Variants in SPIDR observed in about 807,000 individuals in gnomAD.
SPIDR encodes DNA repair-scaffolding protein.
A neutral mutation model predicts 104.6 loss-of-function variants in SPIDR; 93 were observed. The observed-to-expected ratio is 0.89, with a 90% confidence interval of 0.75 to 1.06. SPIDR has a LOEUF of 1.06. SPIDR is among the 50% of genes least tolerant of loss of function. The probability of loss-of-function intolerance (pLI) is 0.00; values close to 1 mark genes in which losing one functional copy is unlikely to be tolerated. For missense variants in SPIDR, 1,154 were observed against 1,111.2 expected, an observed-to-expected ratio of 1.04 and a Z score of -0.55; for synonymous variants, 431 against 416.9, an observed-to-expected ratio of 1.03 and a Z score of -0.41.
chr8:47,605,900 C>A (rs1223206322), intron 10 of SPIDR, among the ~76,000 whole-genome samples: 1 of 152,204 alleles, frequency 6.6e-6, no homozygotes, highest in Non-Finnish European at 1.5e-5. Flanking sequence ...CATTACAAAT[C>A]AGCACTCAGT....
chr8:47,583,586 T>C (rs2059967713), intron 8 of SPIDR, among the ~76,000 whole-genome samples: 1 of 152,104 alleles, frequency 6.6e-6, no homozygotes, highest in South Asian at 2.1e-4. Flanking sequence ...GATTGCAGCA[T>C]AAAAAGAAAT....
Position 47,691,832 on chromosome 8 carries a change from T to A in SPIDR, c.1686-8571T>A, listed in dbSNP as rs1282319888. Among the ~76,000 whole-genome samples, 8 of 152,294 alleles carry A rather than the reference T, an allele frequency of 5.3e-5. No individual in the cohort carries two copies. The East Asian group carries it at 1.4e-3, about 26-fold the overall frequency. On this transcript the variant is annotated intron_variant, in intron 11 of 19. Transcript: ENST00000297423. ...GAATTAGTATTCCGCTAGCTTGACTTAGGAAAAGGAAGCGCAACCACTCCA... is the reference window on the plus strand; with the variant it reads ...GAATTAGTATTCCGCTAGCTTGACTAAGGAAAAGGAAGCGCAACCACTCCA...
intron 16 of SPIDR, among the ~76,000 whole-genome samples, chr8:47,718,236 A>G (rs2082856341): frequency 6.6e-6 from 1 of 152,240 alleles, no homozygotes; most frequent in South Asian, 2.1e-4. Context: ...TATCAGTCAC[A>G]TACGGAGATC....
At chr8:47,397,850 T>A (rs1246195696) in intron 6 of SPIDR, among the ~76,000 whole-genome samples, 2 of 152,098 alleles carry the variant, frequency 1.3e-5, no homozygotes, top group Non-Finnish European at 2.9e-5. Flanking sequence ...GTGCAGGGAA[T>A]AGGAGAGACA....
intron 10 of SPIDR, among the ~76,000 whole-genome samples, chr8:47,614,062 T>A (rs1414074428): frequency 6.6e-6 from 1 of 152,028 alleles, no homozygotes; most frequent in Non-Finnish European, 1.5e-5. Context: ...GTTGTTCCCT[T>A]CCCTGTGTCC....
chr8:47,336,727 A>AT (rs1436129708), intron 5 of SPIDR, among the ~76,000 whole-genome samples: 1 of 152,244 alleles, frequency 6.6e-6, no homozygotes, highest in Non-Finnish European at 1.5e-5. Flanking sequence ...CTATGTTTGT[A>AT]TTAAAAAACT....
chr8:47,673,469 TA>T, intron 10 of SPIDR: 1 of 472,816 alleles, frequency 2.1e-6, no homozygotes, highest in Non-Finnish European at 4.2e-6. Context: ...GTATTTGGTT[TA>T]AGAGAATGGT....
chr8:47,615,760 A>C (rs1208390482), intron 10 of SPIDR, among the ~76,000 whole-genome samples: 1 of 152,064 alleles, frequency 6.6e-6, no homozygotes, highest in Non-Finnish European at 1.5e-5. Flanking sequence ...TTTGATAAGG[A>C]TTGCATTGAA....
At chr8:47,515,332 A>G (rs1340701450) in intron 8 of SPIDR, among the ~76,000 whole-genome samples, 1 of 152,204 alleles carries the variant, frequency 6.6e-6, no homozygotes, top group African/African-American at 2.4e-5. Context: ...CTGCTTTTTT[A>G]AGTGTGTGTT....
chr8:47,705,378 C>T (rs928756111), intron 14 of SPIDR, among the ~76,000 whole-genome samples: 17 of 152,216 alleles, frequency 1.1e-4, no homozygotes, highest in Non-Finnish European at 1.8e-4. Flanking sequence ...ACAAAACAGT[C>T]AAAGACCTGG....
intron 8 of SPIDR, among the ~76,000 whole-genome samples, chr8:47,516,160 T>G (rs1307418250): frequency 1.3e-5 from 2 of 152,142 alleles, no homozygotes; most frequent in Non-Finnish European, 2.9e-5. Context: ...AGGCTGGTCT[T>G]GAATGTCTGG....
chr8:47,293,445 T>C (rs1309335296), intron 4 of SPIDR, among the ~76,000 whole-genome samples: 1 of 152,114 alleles, frequency 6.6e-6, no homozygotes, highest in Non-Finnish European at 1.5e-5. Flanking sequence ...AATATACTTT[T>C]CACTGTCTAA....
At chr8:47,614,856 C>T (rs2064084876) in intron 10 of SPIDR, among the ~76,000 whole-genome samples, 1 of 152,186 alleles carries the variant, frequency 6.6e-6, no homozygotes, top group Admixed American at 6.5e-5. Context: ...GCCTCACCAG[C>T]ATCTGTTGTT....
chr8:47,656,075 T>A (rs1339267219), intron 10 of SPIDR, among the ~76,000 whole-genome samples: 1 of 152,158 alleles, frequency 6.6e-6, no homozygotes, highest in Non-Finnish European at 1.5e-5. Flanking sequence ...GCAAAATGAA[T>A]CACAGATCTA....
At chr8:47,344,408 G>A (rs2051434881) in intron 5 of SPIDR, among the ~76,000 whole-genome samples, 1 of 152,128 alleles carries the variant, frequency 6.6e-6, no homozygotes, top group South Asian at 2.1e-4. Context: ...TTGCTATTGT[G>A]AATAGTGCCG....
chr8:47,674,237 C>A (rs1479604749), intron 11 of SPIDR, among the ~76,000 whole-genome samples: 1 of 152,072 alleles, frequency 6.6e-6, no homozygotes, highest in African/African-American at 2.4e-5. Flanking sequence ...GTGTTTTCTT[C>A]ACTATAACAA....
At chr8:47,310,070 A>G (rs1219444437) in intron 5 of SPIDR, among the ~76,000 whole-genome samples, 1 of 151,536 alleles carries the variant, frequency 6.6e-6, no homozygotes, top group African/African-American at 2.4e-5. Context: ...GCTGTGGCTC[A>G]CGCCTGTAAT....
intron 8 of SPIDR, among the ~76,000 whole-genome samples, chr8:47,558,295 A>G (rs2091559832): frequency 6.6e-6 from 1 of 152,206 alleles, no homozygotes; most frequent in South Asian, 2.1e-4. Flanking sequence ...TATCCCTTAA[A>G]TCTAAAATAA....
chr8:47,650,603 C>T (rs1327630851), intron 10 of SPIDR, among the ~76,000 whole-genome samples: 5 of 152,116 alleles, frequency 3.3e-5, no homozygotes, highest in Admixed American at 2.0e-4. Context: ...TTAGAAAAAA[C>T]AGTCCTAAAA....
Sources: gnomAD v4.1 joint callset for allele counts (sites outside exome capture counted in the v4.1 genomes callset) on GRCh38, gnomAD v4.1.1 for gene constraint, MANE v1.5 for transcripts, NCBI Gene and HGNC (gene_info 2026-07-23, HGNC 2026-07-21) for gene names.